SYT7: variants seen among roughly 807,000 people sequenced by gnomAD.
SYT7 encodes synaptotagmin 7, also known as synaptotagmin-7.
A neutral mutation model predicts 75.1 loss-of-function variants in SYT7; 29 were observed. The observed-to-expected ratio is 0.39, with a 90% CI of 0.29 to 0.53. SYT7 has a LOEUF of 0.53. Among genes scored for constraint, SYT7 ranks in the 20% least tolerant of loss-of-function variants. The pLI is 0.77. For synonymous variants in SYT7, 376 were observed against 401.7 expected (o/e 0.94, Z 0.76); for missense variants, 693 against 953.2 (o/e 0.73, Z 3.59).
intron 1 of SYT7, among the ~76,000 whole-genome samples, chr11:61,579,312 C>T (rs1030439844): frequency 1.3e-5 from 2 of 152,202 alleles, no homozygotes; most frequent in Non-Finnish European, 2.9e-5. Flanking sequence ...GCGGCCTCTT[C>T]GACGAAGATG....
chr11:61,519,537 G>A (rs1454605289), intron 12 of SYT7, among the ~76,000 whole-genome samples: 1 of 152,244 alleles, frequency 6.6e-6, no homozygotes, highest in Non-Finnish European at 1.5e-5. Flanking sequence ...GGCCAGAGGG[G>A]ACAGGGGAGA....
In SYT7 at chr11:61,556,204, G is replaced by A. The variant is rs749610042; in HGVS notation, c.35C>T (p.Ala12Val). ...YRDPEAASPG[A>V]PSRDVLLVSA... ...GACCAGCAGGACGTCGCGCGAGGGC[G>A]CCCCTGGGGAGGACAGGTACAGGTC... is the stretch of plus-strand genomic sequence containing the variant. The change falls in exon 2 of 13, where the codon GCG (alanine) becomes GTG (valine). Residue 12 changes from alanine to valine, a missense_variant. Ala to Val is a moderately conservative substitution (Grantham distance 64, BLOSUM62 0). Around this residue, in one of 2 missense-constraint regions of SYT7, gnomAD observed 487 missense variants for 593.2 expected, o/e 0.82. Coordinates refer to ENST00000539008, the MANE Select transcript of SYT7 (RefSeq NM_001365809.2). 5.6e-6 allele frequency: 9 copies of A among 1,612,346 alleles called. No homozygotes were observed. The highest frequency in any genetic ancestry group is 5.3e-5 in the African/African-American group (4 of 74,898).
chr11:61,519,250 G>A (rs759361000), intron 12 of SYT7, among the ~76,000 whole-genome samples: 1 of 152,268 alleles, frequency 6.6e-6, no homozygotes, highest in Non-Finnish European at 1.5e-5. Context: ...CACAGTCACA[G>A]GGTTTATAAG....
rs1032173541 is a variant in SYT7 at position 61,580,315 on chromosome 11, T to C, written c.31+475A>G. ...GATTCCCACTTGCCCCCTGGCACCC[T>C]CTCAATTCACAGTTGGCACTGCGAT... On this transcript the variant is annotated intron_variant, in intron 1 of 12. Transcript: ENST00000539008. This position sits in a 1 kb window ranked among gnomAD's most constrained non-coding sequence, Gnocchi z 6.1. Among the ~76,000 whole-genome samples, 1 of 150,218 alleles carries C rather than the reference T, an allele frequency of 6.7e-6. No individual in the cohort carries two copies. Among genetic ancestry groups the C allele is most frequent in the Admixed American group, 6.6e-5 (1 of 15,184 alleles).
At chr11:61,549,162 G>A (rs549201232) in intron 3 of SYT7, among the ~76,000 whole-genome samples, 2 of 152,264 alleles carry the variant, frequency 1.3e-5, no homozygotes, top group Non-Finnish European at 2.9e-5. Flanking sequence ...GGGCCATCCA[G>A]CCCGAGGTCC....
intron 1 of SYT7, among the ~76,000 whole-genome samples, chr11:61,560,607 A>C (rs182540628): frequency 2.6e-5 from 4 of 152,280 alleles, no homozygotes; most frequent in African/African-American, 4.8e-5. Flanking sequence ...TGATGTTGTG[A>C]ATAATAGTGA....
At position 61,524,335 on chromosome 11, in the gene SYT7, C is replaced by T; in HGVS notation, c.1641+28G>A. ...TCCCAGCCCTGCCCTGCTGCCTGTC[C>T]AGCTAAGACCCACCCATGGGGCCTT... On this transcript the variant is annotated intron_variant, in intron 10 of 12. Coordinates refer to ENST00000539008, the MANE Select transcript of SYT7 (RefSeq NM_001365809.2). This position sits in a 1 kb window ranked among gnomAD's most constrained non-coding sequence, Gnocchi z 4.1. The T allele has an allele frequency of 6.2e-7, 1 of 1,612,210 alleles. No homozygotes were observed. Among genetic ancestry groups the T allele is most frequent in the East Asian group, 2.2e-5 (1 of 44,860 alleles).
At chr11:61,528,298 C>T (rs1401718207) in intron 8 of SYT7, 113 bp from the exon 9 acceptor site, 5 of 1,323,856 alleles carry the variant, frequency 3.8e-6, no homozygotes, top group Admixed American at 2.1e-5. Context: ...CCCACACTCA[C>T]ATCCCACGGA....
rs375852156 is a variant in SYT7, at chr11:61,518,349, G to A, written c.*278C>T. ...CTGCCTGTCTGGCCGTCTGGCTCTC[G>A]AGCTCCCCCAACTTCTTTAGTATTA... On this transcript the variant is annotated 3_prime_UTR_variant, in exon 13 of 13. Transcript: ENST00000539008. The A allele has an allele frequency of 9.7e-5, 32 of 330,052 alleles. No individual in the cohort carries two copies. The highest frequency in any genetic ancestry group is 8.1e-4 in the East Asian group (18 of 22,142). 20.4% of individuals were successfully genotyped at this position (330,052 alleles called of 1,614,324 possible). A position where few individuals can be genotyped will look rare whatever the true frequency, so the allele number is the denominator to read the frequency against.
chr11:61,583,957 G>A (rs768917746), upstream of SYT7, among the ~76,000 whole-genome samples: 4 of 152,160 alleles, frequency 2.6e-5, no homozygotes, highest in East Asian at 1.9e-4. Flanking sequence ...TTTATGTGGC[G>A]CTGCCATCAT....
At chr11:61,549,915 G>A (rs441938) in intron 3 of SYT7, among the ~76,000 whole-genome samples, 76,816 of 151,864 alleles carry the variant, frequency 0.51, 23,215 homozygotes, top group Middle Eastern at 0.68. Context: ...CCTGCCACAC[G>A]CACCCCTATC....
Position 61,580,462 on chromosome 11 carries a change from G to A in SYT7, c.31+328C>T, listed in dbSNP as rs982395797. On this transcript the variant is annotated intron_variant, in intron 1 of 12. Coordinates refer to ENST00000539008, the MANE Select transcript of SYT7 (RefSeq NM_001365809.2). This position sits in a 1 kb window ranked among gnomAD's most constrained non-coding sequence, Gnocchi z 6.1. ...TGGGGAGCCTCGGGTGCCTCTGAGG[G>A]CACTGCCCGGCTCCCACAGGGGCAG... 1.3e-5 allele frequency among the ~76,000 whole-genome samples: 2 copies of A among 152,146 alleles called. No homozygotes were observed. The highest frequency in any genetic ancestry group is 4.8e-5 in the African/African-American group (2 of 41,536).
chr11:61,582,243 G>T (rs1036763588), upstream of SYT7, among the ~76,000 whole-genome samples: 8 of 152,156 alleles, frequency 5.3e-5, no homozygotes, highest in South Asian at 1.7e-3. Flanking sequence ...CAAAATCCCT[G>T]GGTCTGTGGC....
rs554048254 is a variant in SYT7 at position 61,515,059 on chromosome 11, A to G, written c.*3568T>C. ...CCTAGAGAGGACTCTACTCCCAAAAAGCCTTGTGTCAGGCCTGATCTGGGA... is the reference window on the plus strand; with the variant it reads ...CCTAGAGAGGACTCTACTCCCAAAAGGCCTTGTGTCAGGCCTGATCTGGGA... On this transcript the variant is annotated 3_prime_UTR_variant, in exon 13 of 13. Transcript: ENST00000539008. Among the ~76,000 whole-genome samples the G allele has an allele frequency of 1.9e-4, 29 of 152,306 alleles. No individual in the cohort carries two copies. The highest frequency in any genetic ancestry group is 6.3e-4 in the African/African-American group (26 of 41,562).
upstream of SYT7, among the ~76,000 whole-genome samples, chr11:61,584,840 G>A (rs553046780): frequency 1.3e-5 from 2 of 152,346 alleles, no homozygotes; most frequent in South Asian, 2.1e-4. Flanking sequence ...ATTGGGGAGG[G>A]CCTGAGCCTC....
chr11:61,553,681 G>A lies in SYT7; in HGVS notation c.136-2218C>T, dbSNP rs983885926. On this transcript the variant is annotated intron_variant, in intron 2 of 12. Coordinates refer to ENST00000539008, the MANE Select transcript of SYT7 (RefSeq NM_001365809.2). The surrounding 1 kb of genome is among the most constrained non-coding windows in gnomAD (Gnocchi z 5.2). ...TAACAGGAAACCAGGCAGGGTCCAG[G>A]TGACATTAGGCAGCTCCAAAGCAGC... is the stretch of plus-strand genomic sequence containing the variant. Among the ~76,000 whole-genome samples, 1 of 152,266 alleles carries A rather than the reference G, an allele frequency of 6.6e-6. No homozygotes were observed. The highest frequency in any genetic ancestry group is 1.5e-5 in the Non-Finnish European group (1 of 68,050).
chr11:61,519,436 A>G (rs2135019195), intron 12 of SYT7, among the ~76,000 whole-genome samples: 1 of 152,348 alleles, frequency 6.6e-6, no homozygotes, highest in Admixed American at 6.5e-5. Context: ...GAGAAAAAAC[A>G]GGTACATGGG....
intron 8 of SYT7, among the ~76,000 whole-genome samples, chr11:61,531,534 T>G (rs2062708686): frequency 7.1e-6 from 1 of 141,362 alleles, no homozygotes; most frequent in African/African-American, 2.6e-5. Context: ...AGGGGAGAGG[T>G]GGGGAGGCCC....
At chr11:61,564,866 T>C (rs570299789) in intron 1 of SYT7, among the ~76,000 whole-genome samples, 6 of 152,222 alleles carry the variant, frequency 3.9e-5, no homozygotes, top group African/African-American at 1.2e-4. Flanking sequence ...GCACCCTCAA[T>C]AGATAGAGTC....
Sources: gnomAD v4.1 joint callset for allele counts (sites outside exome capture counted in the v4.1 genomes callset) on GRCh38, gnomAD v4.1.1 for gene constraint, gnomAD v4.1.1 regional missense constraint, Gnocchi (gnomAD v3.1) non-coding constraint, MANE v1.5 for transcripts, NCBI Gene and HGNC (gene_info 2026-07-23, HGNC 2026-07-21) for gene names.